SEMA3F: variants seen among roughly 807,000 people sequenced by gnomAD.
The protein encoded by SEMA3F is semaphorin-3F.
A neutral mutation model predicts 98.5 loss-of-function variants in SEMA3F; 30 were observed. The observed-to-expected ratio is 0.30, with a 90% CI of 0.23 to 0.41. The LOEUF (loss-of-function observed/expected upper bound fraction) is 0.41, where lower values mean the gene tolerates loss of function less well. SEMA3F is among the 10% of genes least tolerant of loss of function. The probability of loss-of-function intolerance (pLI) is 1.00; values close to 1 mark genes in which losing one functional copy is unlikely to be tolerated. For missense variants in SEMA3F, 866 were observed against 1,119.3 expected (o/e 0.77, Z 3.23); for synonymous variants, 380 against 444.8 (o/e 0.85, Z 1.83).
At chr3:50,177,969 C>T (rs893764095) in intron 7 of SEMA3F, among the ~76,000 whole-genome samples, 1 of 152,146 alleles carries the variant, frequency 6.6e-6, no homozygotes, top group African/African-American at 2.4e-5. Flanking sequence ...TAGCCGGGTG[C>T]GGTGGCTCAC....
chr3:50,179,483 G>A (rs1283862169), intron 7 of SEMA3F, among the ~76,000 whole-genome samples: 1 of 152,028 alleles, frequency 6.6e-6, no homozygotes, highest in Non-Finnish European at 1.5e-5. Context: ...ATGCCACCAT[G>A]CCCGGCTAAT....
At position 50,176,874 on chromosome 3, in the gene SEMA3F, C is replaced by T; in HGVS notation, c.643+13C>T. On this transcript the variant is annotated intron_variant, in intron 7 of 18. Transcript: ENST00000002829. ...TCGGCCCTCATCAGTGAGTGCCCCC[C>T]AACCCCGCTCTACAGTCTCAATGTG... 1 of 1,598,218 alleles carries T rather than the reference C, an allele frequency of 6.3e-7. No individual in the cohort carries two copies. The highest frequency in any genetic ancestry group is 1.3e-5 in the African/African-American group (1 of 74,758).
intron 5 of SEMA3F, among the ~76,000 whole-genome samples, chr3:50,174,693 G>A (rs1369262836): frequency 6.6e-6 from 1 of 152,236 alleles, no homozygotes; most frequent in Non-Finnish European, 1.5e-5. Context: ...GGGCCTGGTG[G>A]GGGCCTTGCA....
At chr3:50,167,377 T>G (rs200896576) in intron 2 of SEMA3F, among the ~76,000 whole-genome samples, 1 of 152,218 alleles carries the variant, frequency 6.6e-6, no homozygotes, top group East Asian at 1.9e-4. Context: ...GGATGAGGCA[T>G]GGATCCCCTG....
intron 12 of SEMA3F, among the ~76,000 whole-genome samples, chr3:50,184,018 C>T (rs1388283372): frequency 6.6e-6 from 1 of 152,142 alleles, no homozygotes; most frequent in Non-Finnish European, 1.5e-5. Flanking sequence ...AGCAGCGGAT[C>T]TGGTCCAATG....
chr3:50,175,109 C>T lies in SEMA3F; in HGVS notation c.470C>T (p.Thr157Ile). The change falls in exon 6 of 19, where the codon ACC becomes ATC. Residue 157 changes from threonine (T) to isoleucine (I), a missense_variant. By Grantham distance (89) the Thr-to-Ile change is moderately conservative. Coordinates refer to ENST00000002829, the MANE Select transcript of SEMA3F (RefSeq NM_004186.5). ...TCGTCTTCTCAGGCCACACCATGGA[C>T]CCAGACTCAGGCGGTCAGAGGCCGC... ...RGRRAQATPW[T>I]QTQAVRGRGS... The T allele has an allele frequency of 6.2e-7, 1 of 1,611,514 alleles. No individual in the cohort carries two copies. The highest frequency in any genetic ancestry group is 8.5e-7 in the Non-Finnish European group (1 of 1,179,060).
chr3:50,165,527 G>A (rs1172358444), intron 2 of SEMA3F, among the ~76,000 whole-genome samples: 1 of 152,234 alleles, frequency 6.6e-6, no homozygotes, highest in Non-Finnish European at 1.5e-5. Flanking sequence ...GGGGTGACCA[G>A]ACCTGGGCTG....
At chr3:50,174,954 G>A (rs1174085457) in intron 5 of SEMA3F, 142 bp from the exon 6 acceptor site, 8 of 655,400 alleles carry the variant, frequency 1.2e-5, no homozygotes, top group Non-Finnish European at 2.3e-5. Context: ...GTGTATGTAT[G>A]TACACACGCA....
intron 1 of SEMA3F, chr3:50,159,074 C>T (rs1227866213): frequency 6.5e-6 from 1 of 153,054 alleles, no homozygotes; most frequent in Admixed American, 6.5e-5. Flanking sequence ...CTCATTCCCC[C>T]ACTCTCTCCT....
rs543148563 is a variant in SEMA3F at position 50,188,158 on chromosome 3, C to T, written c.*43C>T. 20 of 1,032,772 alleles carry T rather than the reference C, an allele frequency of 1.9e-5. No individual in the cohort carries two copies. In the Admixed American group the frequency reaches 7.2e-4, roughly 37 times the overall value. 64.0% of individuals were successfully genotyped at this position (1,032,772 alleles called of 1,614,324 possible). A position where few individuals can be genotyped will look rare whatever the true frequency, so the allele number is the denominator to read the frequency against. Reference sequence around the variant, plus strand: ...TGCCATGGGCCAGCCTAGCCCTTGTCCCTTTTAATATAAAAGATATATATA... The same window carrying T: ...TGCCATGGGCCAGCCTAGCCCTTGTTCCTTTTAATATAAAAGATATATATA... On this transcript the variant is annotated 3_prime_UTR_variant, in exon 19 of 19. Coordinates refer to ENST00000002829, the MANE Select transcript of SEMA3F (RefSeq NM_004186.5). This position sits in a 1 kb window ranked among gnomAD's most constrained non-coding sequence, Gnocchi z 4.5.
rs988079305 is a variant in SEMA3F at position 50,187,917 on chromosome 3, A to T, written c.2160A>T (p.Ala720=). The T allele has an allele frequency of 2.5e-6, 4 of 1,605,508 alleles. No individual in the cohort carries two copies. The highest frequency in any genetic ancestry group is 1.7e-6 in the Non-Finnish European group (2 of 1,175,612). Residue 720 remains alanine, a synonymous_variant, in exon 19 of 19, where the codon GCA becomes GCT. Transcript: ENST00000002829. The part of the protein sequence containing the change: ...LSMSAPPPPG[A]GPPTPPYQEL... ...TGAGCGCCCCGCCACCCCCAGGCGC[A>T]GGCCCCCCAACGCCTCCTTACCAGG...
At chr3:50,186,843 A>C (rs1482530479) in intron 18 of SEMA3F, 97 bp downstream of exon 18, 1 of 1,272,398 alleles carries the variant, frequency 7.9e-7, no homozygotes, top group African/African-American at 1.5e-5. Flanking sequence ...TCATGCTGTG[A>C]AACCCCTTCC....
intron 2 of SEMA3F, among the ~76,000 whole-genome samples, chr3:50,169,849 C>T (rs1250938297): frequency 6.6e-6 from 1 of 152,204 alleles, no homozygotes; most frequent in Non-Finnish European, 1.5e-5. Flanking sequence ...AGTCCCTGTC[C>T]CTTAAGGGAG....
intron 2 of SEMA3F, among the ~76,000 whole-genome samples, chr3:50,165,238 G>A (rs1019976664): frequency 1.3e-5 from 2 of 152,188 alleles, no homozygotes; most frequent in African/African-American, 2.4e-5. Context: ...TGCATGTGGT[G>A]CAGCACCTGG....
At chr3:50,176,099 G>A (rs1698798130) in intron 6 of SEMA3F, among the ~76,000 whole-genome samples, 1 of 152,162 alleles carries the variant, frequency 6.6e-6, no homozygotes, top group African/African-American at 2.4e-5. Context: ...GCTGGGCTGG[G>A]AGGCACAGGG....
intron 2 of SEMA3F, among the ~76,000 whole-genome samples, chr3:50,173,083 T>C (rs768913340): frequency 1.3e-5 from 2 of 152,160 alleles, no homozygotes; most frequent in Non-Finnish European, 2.9e-5. Flanking sequence ...TGTGGCGCCT[T>C]CCCTGGCCTG....
rs1479869242 is a variant in SEMA3F at position 50,159,562 on chromosome 3, T to A, written c.-48-13T>A. 2 of 1,024,848 alleles carry A rather than the reference T, an allele frequency of 2.0e-6. No homozygotes were observed. The highest frequency in any genetic ancestry group is 3.2e-5 in the African/African-American group (2 of 61,640). The allele number at this position is 1,024,848 out of a possible 1,614,324, so 63.5% of individuals were successfully genotyped here. On this transcript the variant is annotated splice_polypyrimidine_tract_variant and intron_variant, in intron 1 of 18. Transcript: ENST00000002829. ...TCTGCCTCACACATTCCAATCTTGG[T>A]TCCCCTTCCCAGGTTTCTAGAGAGT... is the stretch of plus-strand genomic sequence containing the variant.
intron 7 of SEMA3F, 74 bp downstream of exon 7, chr3:50,176,935 C>A: frequency 8.2e-7 from 1 of 1,218,168 alleles, no homozygotes; most frequent in Non-Finnish European, 1.2e-6. Flanking sequence ...ATGGCACCAA[C>A]ACTTACCCAA....
At chr3:50,174,180 G>C (rs759378913) in intron 4 of SEMA3F, 51 bp from the exon 5 acceptor site, 4 of 1,613,230 alleles carry the variant, frequency 2.5e-6, no homozygotes, top group Non-Finnish European at 3.4e-6. Context: ...TGCCCCCAGT[G>C]AGGGGGCAGG....
Sources: gnomAD v4.1 joint callset for allele counts (sites outside exome capture counted in the v4.1 genomes callset) on GRCh38, gnomAD v4.1.1 for gene constraint, Gnocchi (gnomAD v3.1) non-coding constraint, MANE v1.5 for transcripts, NCBI Gene and HGNC (gene_info 2026-07-23, HGNC 2026-07-21) for gene names.